The following DOCK9 variants were observed in gnomAD, a reference collection of about 807,000 sequenced individuals.
DOCK9 encodes dedicator of cytokinesis 9.
Under a neutral mutation model 263.3 loss-of-function variants are expected in DOCK9, and 89 were observed. That is an observed-to-expected ratio of 0.34 (90% CI 0.28 to 0.40). The LOEUF (loss-of-function observed/expected upper bound fraction) is 0.40. Among genes scored for constraint, DOCK9 ranks in the 10% least tolerant of loss-of-function variants. DOCK9 has a pLI of 1.00. For synonymous variants in DOCK9, 976 were observed against 973.1 expected (o/e 1.00, Z -0.06); for missense variants, 2,140 against 2,603.4 (o/e 0.82, Z 3.87).
At chr13:98,887,149 T>TATATATATATATATATACA (rs2045876413) in intron 18 of DOCK9, among the ~76,000 whole-genome samples, 1 of 32,032 alleles carries the variant, frequency 3.1e-5, no homozygotes, top group Non-Finnish European at 7.1e-5. Flanking sequence ...ATATATTTTT[T>TATATATATATATATATACA]TTTTTTTTTT....
chr13:98,962,835 T>TTGCTGTGGTGTGTGCC (rs1260276855), intron 1 of DOCK9, among the ~76,000 whole-genome samples: 1 of 152,124 alleles, frequency 6.6e-6, no homozygotes, highest in African/African-American at 2.4e-5. Context: ...GGACTGAGTA[T>TTGCTGTGGTGTGTGCC]TGCTGTGGTG....
chr13:99,029,882 A>G (rs371244353), intron 1 of DOCK9, among the ~76,000 whole-genome samples: 37 of 152,362 alleles, frequency 2.4e-4, no homozygotes, highest in African/African-American at 7.9e-4. Context: ...AAAACAAACC[A>G]AATGTCTATC....
chr13:98,848,771 T>C (rs2093469385), intron 36 of DOCK9, 132 bp from the exon 37 acceptor site: 1 of 974,236 alleles, frequency 1.0e-6, no homozygotes. Flanking sequence ...TCCTCATTCA[T>C]TCAGAATGGT....
At chr13:98,888,100 AT>A in intron 18 of DOCK9, 57 bp downstream of exon 18, 2 of 1,260,428 alleles carry the variant, frequency 1.6e-6, no homozygotes, top group Non-Finnish European at 2.2e-6. Flanking sequence ...ATGAAAGTGC[AT>A]TTTGAAAATG....
intron 1 of DOCK9, among the ~76,000 whole-genome samples, chr13:99,020,678 CAT>C (rs1221340608): frequency 1.3e-4 from 20 of 152,136 alleles, no homozygotes; most frequent in South Asian, 6.2e-4. Context: ...CTTCTAGAAA[CAT>C]GTGAAAAAAG....
At position 98,923,279 on chromosome 13, in the gene DOCK9, G is replaced by A. The variant is rs747719109; in HGVS notation, c.486+23C>T. 5 of 1,604,712 alleles carry A rather than the reference G, an allele frequency of 3.1e-6. No individual in the cohort carries two copies. The East Asian group carries it at 1.1e-4, about 36-fold the overall frequency. ...GTTTAAATCTAGAGTGAAAAGAGAA[G>A]CAACAGCAAGCAGGTATCCCACCTC... On this transcript the variant is annotated intron_variant, in intron 5 of 52. Coordinates refer to ENST00000682017, the MANE Select transcript of DOCK9 (RefSeq NM_001366683.2).
chr13:98,919,361 A>G (rs559652044), intron 7 of DOCK9, among the ~76,000 whole-genome samples: 1 of 151,876 alleles, frequency 6.6e-6, no homozygotes, highest in Non-Finnish European at 1.5e-5. Flanking sequence ...TGCCTCCCAA[A>G]GCGTTGAGAT....
intron 1 of DOCK9, among the ~76,000 whole-genome samples, chr13:98,989,315 T>TG (rs1879210911): frequency 9.0e-6 from 1 of 110,810 alleles, no homozygotes; most frequent in Non-Finnish European, 1.9e-5. Flanking sequence ...AAATTAATAA[T>TG]AATGATGATG....
chr13:98,816,586 G>A (rs1277801498), intron 45 of DOCK9, among the ~76,000 whole-genome samples: 4 of 152,026 alleles, frequency 2.6e-5, no homozygotes, highest in Admixed American at 1.3e-4. Flanking sequence ...AAAAGATGGC[G>A]GGAGTGCACG....
intron 33 of DOCK9, 194 bp from the exon 34 acceptor site, chr13:98,856,225 A>T: frequency 1.9e-6 from 1 of 517,778 alleles, no homozygotes; most frequent in South Asian, 3.4e-5. Flanking sequence ...ACTAGTCTGA[A>T]ACATTCAGAT....
At chr13:98,837,407 C>A in intron 39 of DOCK9, 87 bp downstream of exon 39, 1 of 842,986 alleles carries the variant, frequency 1.2e-6, no homozygotes, top group Non-Finnish European at 1.9e-6. Context: ...AAAAATGCAA[C>A]ATAGTAAGTT....
rs185517688 is a variant in DOCK9 at position 98,952,510 on chromosome 13, C to T, written c.243+2925G>A. Among the ~76,000 whole-genome samples the T allele has an allele frequency of 3.3e-5, 5 of 152,358 alleles. No homozygotes were observed. In the East Asian group the frequency reaches 9.6e-4, roughly 29 times the overall value. On this transcript the variant is annotated intron_variant, in intron 2 of 52. Coordinates refer to ENST00000682017, the MANE Select transcript of DOCK9 (RefSeq NM_001366683.2). ...TCGGCCTCCCAAAGTGCTGGGATTA[C>T]AGGCATGAGCCAGTGCGCCTGGCCT... is the stretch of plus-strand genomic sequence containing the variant.
chr13:98,955,475 C>T lies in DOCK9; in HGVS notation c.203G>A (p.Cys68Tyr). ...AGGGAAGAGCAGCATCTCCCGTAAA[C>T]AGTCGTTCAGGATCTGAGTCTTCTT... ...VQKKTQILND[C>Y]LREMLLFPYD... Residue 68 changes from cysteine to tyrosine, a missense_variant, in exon 2 of 53, where the codon TGT (cysteine) becomes TAT (tyrosine). By Grantham distance (194) the Cys-to-Tyr change is radical. Coordinates refer to ENST00000682017, the MANE Select transcript of DOCK9 (RefSeq NM_001366683.2). The T allele has an allele frequency of 6.3e-7, 1 of 1,597,858 alleles. No individual in the cohort carries two copies. The highest frequency in any genetic ancestry group is 8.5e-7 in the Non-Finnish European group (1 of 1,171,212).
At chr13:99,048,593 G>T (rs11069339) in intron 1 of DOCK9, among the ~76,000 whole-genome samples, 33,318 of 152,110 alleles carry the variant, frequency 0.22, 3,646 homozygotes, top group Middle Eastern at 0.31. Context: ...TCCAGTGTTT[G>T]CTCTCCTCCT....
intron 1 of DOCK9, among the ~76,000 whole-genome samples, chr13:99,070,351 T>TA (rs1555306731): frequency 2.2e-5 from 2 of 92,670 alleles, no homozygotes; most frequent in Non-Finnish European, 4.9e-5. Flanking sequence ...CTAGAATATA[T>TA]AAAAAACAAA....
At chr13:98,942,231 TG>T (rs375671059) in intron 2 of DOCK9, among the ~76,000 whole-genome samples, 11,153 of 114,038 alleles carry the variant, frequency 0.098, 570 homozygotes, top group African/African-American at 0.18. Flanking sequence ...TTTTTTTTTT[TG>T]TTGTTTTTTT....
intron 1 of DOCK9, among the ~76,000 whole-genome samples, chr13:98,968,305 T>C (rs1368047845): frequency 2.0e-5 from 3 of 152,208 alleles, no homozygotes; most frequent in African/African-American, 7.2e-5. Flanking sequence ...TTTTTCTTTT[T>C]ACTTTAACTT....
intron 1 of DOCK9, among the ~76,000 whole-genome samples, chr13:98,997,732 T>C (rs1881375951): frequency 6.6e-6 from 1 of 152,238 alleles, no homozygotes; most frequent in Non-Finnish European, 1.5e-5. Context: ...ATTCCAGCCC[T>C]GGCTGGTCAG....
At chr13:99,078,404 G>A (rs2041997414) in intron 1 of DOCK9, among the ~76,000 whole-genome samples, 2 of 152,214 alleles carry the variant, frequency 1.3e-5, no homozygotes, top group African/African-American at 4.8e-5. Flanking sequence ...AGAAGGAGGA[G>A]GAGATGCAGG....
Sources: allele counts gnomAD v4.1 joint callset (sites outside exome capture counted in the v4.1 genomes callset), GRCh38; gene constraint gnomAD v4.1.1; transcripts MANE v1.5; gene names NCBI Gene and HGNC (gene_info 2026-07-23, HGNC 2026-07-21).